The following LTA4H variants were observed in gnomAD, a reference collection of about 807,000 sequenced individuals.
LTA4H encodes the protein leukotriene A4 hydrolase, also known as leukotriene A-4 hydrolase.
LTA4H carries 59 observed loss-of-function variants against 89.8 expected under a neutral mutation model. The observed-to-expected ratio is 0.66, with a 90% confidence interval of 0.53 to 0.82. LTA4H has a LOEUF of 0.82. Ranked by LOEUF, LTA4H falls within the 40% of genes least tolerant of loss-of-function variation. The probability of loss-of-function intolerance (pLI) is 0.00; values close to 1 mark genes in which losing one functional copy is unlikely to be tolerated. For synonymous variants in LTA4H, 227 were observed against 253.1 expected (o/e 0.90, Z 0.98); for missense variants, 617 against 727.0 (o/e 0.85, Z 1.74).
At chr12:96,013,073 G>T in intron 14 of LTA4H, 115 bp downstream of exon 14, 1 of 794,382 alleles carries the variant, frequency 1.3e-6, no homozygotes, top group Non-Finnish European at 2.1e-6. Context: ...TAAGAACTCT[G>T]CTTTCATCAT....
chr12:96,006,236 T>C (rs1950198627), intron 16 of LTA4H, 78 bp downstream of exon 16: 3 of 802,018 alleles, frequency 3.7e-6, no homozygotes, highest in Non-Finnish European at 6.0e-6. Flanking sequence ...ATTAATAATC[T>C]TTTGCCAAGT....
At chr12:96,014,704 G>T in intron 12 of LTA4H, 151 bp downstream of exon 12, 1 of 693,456 alleles carries the variant, frequency 1.4e-6, no homozygotes, top group Non-Finnish European at 2.3e-6. Context: ...AAGTTGAGAG[G>T]TAACTCAGAA....
chr12:96,001,097 A>C lies in LTA4H; in HGVS notation c.1728T>G (p.Ala576=). The C allele has an allele frequency of 6.2e-7, 1 of 1,612,768 alleles. No homozygotes were observed. The highest frequency in any genetic ancestry group is 8.5e-7 in the Non-Finnish European group (1 of 1,178,808). The change falls in exon 19 of 19, where the codon GCT becomes GCG. Residue 576 remains alanine (A), a synonymous_variant. Coordinates refer to ENST00000228740, the MANE Select transcript of LTA4H (RefSeq NM_000895.3). The stretch of plus-strand genomic sequence containing the variant: ...CTTGATCATGGGATTTGTCAAAGGC[A>C]GCAAGATCCCTGCCAAAAAAGAAAA... ...KFTRPLFKDL[A]AFDKSHDQAV... is the part of the protein sequence containing the mutation.
Position 96,033,191 on chromosome 12 carries a change from ATT to A in LTA4H, c.159+2168_159+2169del, listed in dbSNP as rs750454845. Among the ~76,000 whole-genome samples, 246 of 152,340 alleles carry A rather than the reference ATT, an allele frequency of 1.6e-3. 2 individuals are homozygous for A. Among genetic ancestry groups the A allele is most frequent in the Non-Finnish European group, 1.8e-3 (125 of 68,012 alleles). On this transcript the variant is annotated intron_variant, in intron 1 of 18. Transcript: ENST00000228740. Reference sequence around the variant, plus strand: ...GCAGCAAAAAGCTATAAAAATTTTCATTCTTTTACTTTTATCAGCATAGTTTA... The same window carrying A: ...GCAGCAAAAAGCTATAAAAATTTTCACTTTTACTTTTATCAGCATAGTTTA...
upstream of LTA4H, among the ~76,000 whole-genome samples, chr12:96,040,127 G>A (rs1950677385): frequency 6.6e-6 from 1 of 152,214 alleles, no homozygotes; most frequent in Non-Finnish European, 1.5e-5. Flanking sequence ...AGGAAAAATG[G>A]TAGGATTGAG....
Position 96,035,540 on chromosome 12 carries a change from C to A in LTA4H, c.-21G>T. On this transcript the variant is annotated 5_prime_UTR_variant, in exon 1 of 19. Coordinates refer to ENST00000228740, the MANE Select transcript of LTA4H (RefSeq NM_000895.3). ...GGCATGGCTCTGGGGGATCACACAGCACAGCGACCTACAGCCCAACGCTCA... is the reference window on the plus strand; with the variant it reads ...GGCATGGCTCTGGGGGATCACACAGAACAGCGACCTACAGCCCAACGCTCA... The A allele has an allele frequency of 6.3e-7, 1 of 1,587,458 alleles. No homozygotes were observed. Among genetic ancestry groups the A allele is most frequent in the Non-Finnish European group, 8.6e-7 (1 of 1,164,500 alleles).
chr12:96,025,365 G>A (rs796280193), intron 3 of LTA4H: 7 of 152,334 alleles, frequency 4.6e-5, no homozygotes, highest in African/African-American at 1.7e-4. Flanking sequence ...CCTGAGAAAT[G>A]TTGCTGTAAT....
At chr12:96,003,678 A>C (rs577794505) in intron 17 of LTA4H, 160 bp downstream of exon 17, 41 of 412,210 alleles carry the variant, frequency 9.9e-5, no homozygotes, top group African/African-American at 7.7e-4. Context: ...TATTGCAACT[A>C]TTCCTTAAAT....
upstream of LTA4H, among the ~76,000 whole-genome samples, chr12:96,036,054 G>A (rs956262309): frequency 1.3e-5 from 2 of 152,224 alleles, no homozygotes; most frequent in African/African-American, 4.8e-5. Context: ...ATCCCCGCCT[G>A]TCACGCGGGA....
At chr12:96,029,809 AATC>A (rs1255543599) in intron 1 of LTA4H, among the ~76,000 whole-genome samples, 2 of 152,126 alleles carry the variant, frequency 1.3e-5, no homozygotes, top group Non-Finnish European at 2.9e-5. Context: ...GAGCCCTACA[AATC>A]ATACTCTTTA....
At chr12:96,004,492 A>T (rs1950165104) in intron 16 of LTA4H, among the ~76,000 whole-genome samples, 1 of 152,216 alleles carries the variant, frequency 6.6e-6, no homozygotes, top group African/African-American at 2.4e-5. Flanking sequence ...TTCTGTATAC[A>T]ATTTCAGGGG....
chr12:96,003,451 C>T (rs1221337924), intron 17 of LTA4H: 1 of 198,600 alleles, frequency 5.0e-6, no homozygotes, highest in Non-Finnish European at 1.0e-5. Context: ...AGGAATTAAA[C>T]TTTGGTTTAA....
At chr12:96,004,311 T>C (rs1372757387) in intron 16 of LTA4H, among the ~76,000 whole-genome samples, 2 of 152,224 alleles carry the variant, frequency 1.3e-5, no homozygotes, top group Non-Finnish European at 2.9e-5. Context: ...TTTTGCCTGA[T>C]TCCCCCTAGC....
intron 17 of LTA4H, 193 bp downstream of exon 17, chr12:96,003,645 A>T (rs1950145731): frequency 5.4e-6 from 2 of 367,594 alleles, no homozygotes; most frequent in Admixed American, 9.1e-5. Flanking sequence ...GTCTAACAAA[A>T]AGATTAATAC....
chr12:96,035,491 A>G lies in LTA4H; in HGVS notation c.29T>C (p.Leu10Ser), dbSNP rs1950630918. 1 of 1,608,476 alleles carries G rather than the reference A, an allele frequency of 6.2e-7. No homozygotes were observed. Among genetic ancestry groups the G allele is most frequent in the African/African-American group, 1.3e-5 (1 of 74,854 alleles). ...CCGGCAGACGGAAGCCGGAGAGGCC[A>G]ACGAACAGGTATCCACTATCTCGGG... MPEIVDTCS[L>S]ASPASVCRTK... Residue 10 changes from leucine to serine, a missense_variant, in exon 1 of 19, where the codon TTG becomes TCG. Transcript: ENST00000228740.
rs142809994 is a variant in LTA4H, at chr12:96,029,484, A to C, written c.160-299T>G. ...AAAATATGTTTGCTTCTGACTCCTA[A>C]AATTTTCTCTATTATGAAAAACTTT... is the stretch of plus-strand genomic sequence containing the variant. On this transcript the variant is annotated intron_variant, in intron 1 of 18. Coordinates refer to ENST00000228740, the MANE Select transcript of LTA4H (RefSeq NM_000895.3). Among the ~76,000 whole-genome samples the C allele has an allele frequency of 8.3e-3, 1,266 of 152,276 alleles. 25 individuals carry two copies. The highest frequency in any genetic ancestry group is 0.029 in the African/African-American group (1,214 of 41,550).
chr12:96,042,505 T>C (rs1950695491), intron 1 of LTA4H, among the ~76,000 whole-genome samples: 1 of 152,050 alleles, frequency 6.6e-6, no homozygotes, highest in Middle Eastern at 3.4e-3. Flanking sequence ...GGAGACAAGA[T>C]AAGGATAATC....
In LTA4H at chr12:96,013,186, AC is replaced by A; in HGVS notation, c.1379+1del. On this transcript the variant is annotated splice_donor_variant, in intron 14 of 18. Transcript: ENST00000228740. LOFTEE classifies it high-confidence loss of function. ...GGAAAGCATTAGCAGGCAAGTACTTACTTGGGCTTTATGGGAGGCAGTCCAG... is the reference window on the plus strand; with the variant it reads ...GGAAAGCATTAGCAGGCAAGTACTTATTGGGCTTTATGGGAGGCAGTCCAG... 4.3e-6 allele frequency: 7 copies of A among 1,611,886 alleles called. No individual in the cohort carries two copies. The highest frequency in any genetic ancestry group is 5.9e-6 in the Non-Finnish European group (7 of 1,178,060).
chr12:96,031,511 T>A (rs1391745676), intron 1 of LTA4H, among the ~76,000 whole-genome samples: 1 of 152,212 alleles, frequency 6.6e-6, no homozygotes, highest in African/African-American at 2.4e-5. Flanking sequence ...TTAGTACTTT[T>A]TAAGAAACGT....
Sources: allele counts gnomAD v4.1 joint callset (sites outside exome capture counted in the v4.1 genomes callset), GRCh38; gene constraint gnomAD v4.1.1; transcripts MANE v1.5; gene names NCBI Gene and HGNC (gene_info 2026-07-23, HGNC 2026-07-21).